Variants in COL10A1 observed in about 807,000 individuals in gnomAD.
The protein encoded by COL10A1 is collagen type X alpha 1 chain.
In COL10A1, 10 loss-of-function variants were observed where a neutral mutation model predicts 18.2. The observed-to-expected ratio is 0.55, with a 90% CI of 0.34 to 0.93. COL10A1 has a LOEUF of 0.93. COL10A1 is among the 40% of genes least tolerant of loss of function. The pLI, the probability that COL10A1 is intolerant of heterozygous loss-of-function variation, is 0.02. For missense variants in COL10A1, 897 were observed against 853.5 expected (o/e 1.05, Z -0.64); for synonymous variants, 330 against 316.6 (o/e 1.04, Z -0.45).
the COL10A1 span, among the ~76,000 whole-genome samples, chr6:116,179,921 A>G: frequency 6.6e-6 from 1 of 152,152 alleles, no homozygotes; most frequent in African/African-American, 2.4e-5. Flanking sequence ...CTCTGAAGCA[A>G]GTTCACATTT....
intron 1 of COL10A1, among the ~76,000 whole-genome samples, chr6:116,144,273 C>A (rs150489039): frequency 5.3e-5 from 8 of 152,072 alleles, no homozygotes; most frequent in South Asian, 4.1e-4. Flanking sequence ...GAGGCCGAGG[C>A]GGGCGGATCA....
chr6:116,197,728 C>T, the COL10A1 span, among the ~76,000 whole-genome samples: 14 of 152,038 alleles, frequency 9.2e-5, no homozygotes, highest in Non-Finnish European at 1.9e-4. Flanking sequence ...GTATTTATCT[C>T]ATAGGATGTT....
chr6:116,143,069 C>T (rs62414128), intron 1 of COL10A1, among the ~76,000 whole-genome samples: 32,286 of 151,890 alleles, frequency 0.21, 3,629 homozygotes, highest in South Asian at 0.28. Context: ...TCCTGGAGAC[C>T]GGATTTTGTT....
At chr6:116,167,502 G>A in the COL10A1 span, among the ~76,000 whole-genome samples, 45 of 152,154 alleles carry the variant, frequency 3.0e-4, no homozygotes, top group African/African-American at 8.7e-4. Flanking sequence ...GTGAGCCACC[G>A]TGCCCAGCCC....
the COL10A1 span, among the ~76,000 whole-genome samples, chr6:116,200,251 A>G: frequency 6.6e-6 from 1 of 152,038 alleles, no homozygotes; most frequent in Non-Finnish European, 1.5e-5. Flanking sequence ...AAGTTACCAA[A>G]AACAGGGGAG....
chr6:116,150,613 G>A (rs1780015688), intron 1 of COL10A1, among the ~76,000 whole-genome samples: 1 of 152,208 alleles, frequency 6.6e-6, no homozygotes, highest in Non-Finnish European at 1.5e-5. Flanking sequence ...ATTAGAATGG[G>A]GCAGTGGAAA....
chr6:116,136,942 G>C (rs1290160708), intron 1 of COL10A1: 1 of 152,528 alleles, frequency 6.6e-6, no homozygotes, highest in Non-Finnish European at 1.5e-5. Flanking sequence ...AAACTAAGAA[G>C]ACCTGAAGAG....
At chr6:116,188,889 G>A in the COL10A1 span, among the ~76,000 whole-genome samples, 2 of 151,704 alleles carry the variant, frequency 1.3e-5, no homozygotes, top group African/African-American at 4.8e-5. Flanking sequence ...TTTTAATTTG[G>A]ATCTGTTTAT....
In COL10A1 at chr6:116,120,062, T is replaced by C. The variant is rs764674376; in HGVS notation, c.*11A>G. 7 of 1,223,860 alleles carry C rather than the reference T, an allele frequency of 5.7e-6. No homozygotes were observed. The highest frequency in any genetic ancestry group is 7.7e-6 in the Non-Finnish European group (7 of 907,958). 75.8% of individuals were successfully genotyped at this position (1,223,860 alleles called of 1,614,324 possible). A position where few individuals can be genotyped will look rare whatever the true frequency, so the allele number is the denominator to read the frequency against. ...TTTCTAGCACAAGATTTAGATTAGC[T>C]CTGTGTGTACTCACATTGGAGCCAC... is the stretch of plus-strand genomic sequence containing the variant. On this transcript the variant is annotated 3_prime_UTR_variant, in exon 3 of 3. Transcript: ENST00000651968.
Position 116,121,051 on chromosome 6 carries a change from A to G in COL10A1, c.1065T>C (p.His355=), listed in dbSNP as rs1165731764. ...PQGPKGIPGS[H]GLPGPKGETG... ...TCTCACCTTTAGGGCCTGGGAGACCATGGCTACCCGGGATGCCTTTTGGTC... is the reference window on the plus strand; with the variant it reads ...TCTCACCTTTAGGGCCTGGGAGACCGTGGCTACCCGGGATGCCTTTTGGTC... The change falls in exon 3 of 3, where the codon CAT becomes CAC. Residue 355 remains histidine, a synonymous_variant. Transcript: ENST00000651968. The G allele has an allele frequency of 1.2e-6, 2 of 1,613,946 alleles. No homozygotes were observed. The highest frequency in any genetic ancestry group is 1.7e-5 in the Admixed American group (1 of 60,026).
At chr6:116,211,769 A>C in the COL10A1 span, among the ~76,000 whole-genome samples, 1 of 152,068 alleles carries the variant, frequency 6.6e-6, no homozygotes, top group South Asian at 2.1e-4. Flanking sequence ...AAAGGGAGGG[A>C]TATTGGAATG....
chr6:116,178,261 A>G, the COL10A1 span, among the ~76,000 whole-genome samples: 2 of 152,106 alleles, frequency 1.3e-5, no homozygotes, highest in Non-Finnish European at 2.9e-5. Context: ...CCATCCAAGT[A>G]CTAACCAGGC....
At chr6:116,172,470 C>T in the COL10A1 span, among the ~76,000 whole-genome samples, 20 of 151,768 alleles carry the variant, frequency 1.3e-4, no homozygotes, top group East Asian at 2.5e-3. Context: ...TACAGGCGCA[C>T]GCCACCACGC....
chr6:116,214,022 T>A, the COL10A1 span, among the ~76,000 whole-genome samples: 3 of 152,140 alleles, frequency 2.0e-5, no homozygotes, highest in Non-Finnish European at 4.4e-5. Context: ...TCACTGTGCC[T>A]GGCTTTCTTC....
rs750527856 is a variant in COL10A1 at position 116,121,158 on chromosome 6, C to T, written c.958G>A (p.Gly320Ser). Reference protein sequence around the residue: ...RGPAGLPGGPGAKGEQGPAGL... With the variant: ...RGPAGLPGGPSAKGEQGPAGL... ...GCTGGCCCTTGTTCCCCTTTGGCAC[C>T]TGGACCCCCAGGAAGGCCAGCAGGT... The change falls in exon 3 of 3, where the codon GGT becomes AGT. Residue 320 changes from glycine (G) to serine (S), a missense_variant. Coordinates refer to ENST00000651968, the MANE Select transcript of COL10A1 (RefSeq NM_000493.4). 2 of 1,613,086 alleles carry T rather than the reference C, an allele frequency of 1.2e-6. No homozygotes were observed. The highest frequency in any genetic ancestry group is 2.7e-5 in the African/African-American group (2 of 74,868).
chr6:116,161,413 TA>T (rs896033989), upstream of COL10A1, among the ~76,000 whole-genome samples: 107 of 150,990 alleles, frequency 7.1e-4, 1 homozygote, highest in Non-Finnish European at 9.8e-4. Flanking sequence ...ATAAAGCAGA[TA>T]AAAAAAAAGA....
chr6:116,133,253 A>G (rs561793077), intron 1 of COL10A1, among the ~76,000 whole-genome samples: 8 of 152,206 alleles, frequency 5.3e-5, no homozygotes, highest in African/African-American at 1.4e-4. Flanking sequence ...TGGCTACCCA[A>G]TGGGTTCTCA....
chr6:116,138,355 T>C (rs1779673754), intron 1 of COL10A1, among the ~76,000 whole-genome samples: 1 of 152,236 alleles, frequency 6.6e-6, no homozygotes, highest in African/African-American at 2.4e-5. Context: ...AGAATAGCAC[T>C]ACTTAACTAG....
chr6:116,121,261 C>CA lies in COL10A1; in HGVS notation c.854_855insT (p.Ala286GlyfsTer69). 1 of 1,613,928 alleles carries CA rather than the reference C, an allele frequency of 6.2e-7. No individual in the cohort carries two copies. The highest frequency in any genetic ancestry group is 8.5e-7 in the Non-Finnish European group (1 of 1,179,950). On this transcript the variant is annotated frameshift_variant, in exon 3 of 3. Coordinates refer to ENST00000651968, the MANE Select transcript of COL10A1 (RefSeq NM_000493.4). LOFTEE classifies it high-confidence loss of function. The stretch of plus-strand genomic sequence containing the variant: ...CTGGGGGCCCAGCTATTCCTGGAGC[C>CA]CCAGGGAGACCTTTTGTTCCTGGAA...
Sources: gnomAD v4.1 joint callset for allele counts (sites outside exome capture counted in the v4.1 genomes callset) on GRCh38, gnomAD v4.1.1 for gene constraint, MANE v1.5 for transcripts, NCBI Gene and HGNC (gene_info 2026-07-23, HGNC 2026-07-21) for gene names.